The following SLC33A1 variants were observed in gnomAD, a reference collection of about 807,000 sequenced individuals.
The protein encoded by SLC33A1 is solute carrier family 33 member 1.
A neutral mutation model predicts 50.0 loss-of-function variants in SLC33A1; 20 were observed. The ratio of observed to expected loss-of-function variants is 0.40; its 90% CI spans 0.28 to 0.58. The LOEUF is 0.58. Ranked by LOEUF, SLC33A1 falls within the 20% of genes least tolerant of loss-of-function variation. The pLI is 0.44. For synonymous variants in SLC33A1, 265 were observed against 251.8 expected, an observed-to-expected ratio of 1.05 and a Z score of -0.50; for missense variants, 476 against 657.0, an observed-to-expected ratio of 0.72 and a Z score of 3.01.
Position 155,836,280 on chromosome 3 carries a change from C to CAAAAAAAAAA in SLC33A1, c.964-2249_964-2240dup, listed in dbSNP as rs57460942. Among the ~76,000 whole-genome samples, 10 of 27,166 alleles carry CAAAAAAAAAA rather than the reference C, an allele frequency of 3.7e-4. 2 individuals are homozygous for CAAAAAAAAAA. Among genetic ancestry groups the CAAAAAAAAAA allele is most frequent in the African/African-American group, 1.1e-3 (8 of 7,114 alleles). 17.8% of individuals were successfully genotyped at this position (27,166 alleles called of 152,430 possible). On this transcript the variant is annotated intron_variant, in intron 2 of 5. Coordinates refer to ENST00000643144, the MANE Select transcript of SLC33A1 (RefSeq NM_004733.4). ...GCCTGGTGACAGAGTGAGACTCTGT[C>CAAAAAAAAAA]AAAAAAAAAAAAAAAAAAAAAAAAA...
At chr3:155,830,683 C>T (rs1018121617) in intron 4 of SLC33A1, among the ~76,000 whole-genome samples, 3 of 151,684 alleles carry the variant, frequency 2.0e-5, no homozygotes, top group Non-Finnish European at 4.4e-5. Context: ...TTGTACTGTA[C>T]CTAAATATGT....
At chr3:155,844,594 T>C (rs1368286999) in intron 1 of SLC33A1, 1 of 149,982 alleles carries the variant, frequency 6.7e-6, no homozygotes, top group Admixed American at 6.7e-5. Context: ...GCCTCTGTAG[T>C]AGCTGAGATT....
rs1577451597 is a variant in SLC33A1 at position 155,824,950 on chromosome 3, C to A, written c.*3260G>T. 1 of 152,064 alleles carries A rather than the reference C, an allele frequency of 6.6e-6. No individual in the cohort carries two copies. The highest frequency in any genetic ancestry group is 1.9e-4 in the East Asian group (1 of 5,196). The allele number at this position is 152,064 out of a possible 1,614,324, so 9.4% of individuals were successfully genotyped here. A position where few individuals can be genotyped will look rare whatever the true frequency, so the allele number is the denominator to read the frequency against. ...TATCAGGCAAAATTAAAATATTTAT[C>A]ATGGGCAGGGCACGGTGGCTTACAC... On this transcript the variant is annotated 3_prime_UTR_variant, in exon 6 of 6. Transcript: ENST00000643144.
chr3:155,830,108 A>G (rs994553599), intron 4 of SLC33A1, among the ~76,000 whole-genome samples: 5 of 152,100 alleles, frequency 3.3e-5, no homozygotes, highest in Non-Finnish European at 7.3e-5. Context: ...TCATGCCTGT[A>G]ATTCCAGCAC....
In SLC33A1 at chr3:155,824,425, C is replaced by T. The variant is rs1341193082; in HGVS notation, c.*3785G>A. The T allele has an allele frequency of 6.6e-6, 1 of 151,998 alleles. No homozygotes were observed. The highest frequency in any genetic ancestry group is 6.6e-5 in the Admixed American group (1 of 15,238). 9.4% of individuals were successfully genotyped at this position (151,998 alleles called of 1,614,324 possible). On this transcript the variant is annotated 3_prime_UTR_variant, in exon 6 of 6. Coordinates refer to ENST00000643144, the MANE Select transcript of SLC33A1 (RefSeq NM_004733.4). ...CTTTCTCAGGTTTCTGTTAATAAGG[C>T]AAAATAAAAGTCACTCAGAAAAAAA...
chr3:155,829,752 G>T lies in SLC33A1; in HGVS notation c.1418C>A (p.Pro473His), dbSNP rs1180801581. 1.2e-6 allele frequency: 2 copies of T among 1,613,976 alleles called. No individual in the cohort carries two copies. Among genetic ancestry groups the T allele is most frequent in the Admixed American group, 3.3e-5 (2 of 59,996 alleles). The change falls in exon 5 of 6, where the codon CCC (proline) becomes CAC (histidine). Residue 473 changes from proline to histidine, a missense_variant. Coordinates refer to ENST00000643144, the MANE Select transcript of SLC33A1 (RefSeq NM_004733.4). ...PSTVALWLVD[P>H]LTVKECVGAS... ...TCCTACACACTCTTTTACTGTGAGG[G>T]GATCTACAAGCCAAAGAGCTACTGT...
chr3:155,836,938 G>A (rs1024265254), intron 2 of SLC33A1, among the ~76,000 whole-genome samples: 2 of 151,960 alleles, frequency 1.3e-5, no homozygotes, highest in African/African-American at 4.8e-5. Context: ...TAAAGAAAAG[G>A]GCAACTTTGG....
chr3:155,833,674 A>T, intron 3 of SLC33A1, 89 bp from the exon 4 acceptor site: 1 of 968,082 alleles, frequency 1.0e-6, no homozygotes, highest in South Asian at 1.3e-5. Context: ...TACCATATGA[A>T]AGAAGCTGTA....
At position 155,849,600 on chromosome 3, in the gene SLC33A1, AG is replaced by A. The variant is rs753552700; in HGVS notation, c.775+3622del. ...CAAATTCCACAGGAAAAAAAAAAAA[AG>A]GGGCAATTCAAAATAACAAGTGACA... On this transcript the variant is annotated intron_variant, in intron 1 of 5. Coordinates refer to ENST00000643144, the MANE Select transcript of SLC33A1 (RefSeq NM_004733.4). Among the ~76,000 whole-genome samples, 213 of 150,074 alleles carry A rather than the reference AG, an allele frequency of 1.4e-3. 1 individual carries two copies. The highest frequency in any genetic ancestry group is 5.1e-3 in the African/African-American group (204 of 40,312).
chr3:155,846,788 C>T (rs1753193450), intron 1 of SLC33A1, among the ~76,000 whole-genome samples: 1 of 152,106 alleles, frequency 6.6e-6, no homozygotes, highest in Non-Finnish European at 1.5e-5. Context: ...TGTATTCCCC[C>T]TTCTCACCTC....
Position 155,821,484 on chromosome 3 carries a change from TGA to T in SLC33A1, c.*6724_*6725del, listed in dbSNP as rs1752087654. 6.6e-6 allele frequency: 1 copy of T among 152,232 alleles called. No individual in the cohort carries two copies. The highest frequency in any genetic ancestry group is 1.5e-5 in the Non-Finnish European group (1 of 68,076). 9.4% of individuals were successfully genotyped at this position (152,232 alleles called of 1,614,324 possible). ...AAATATGCCACTTCCTTTTTTTTTT[TGA>T]GACAGAGTTTCGCTCTTGCACCCAG... On this transcript the variant is annotated 3_prime_UTR_variant, in exon 6 of 6. Coordinates refer to ENST00000643144, the MANE Select transcript of SLC33A1 (RefSeq NM_004733.4).
chr3:155,837,135 T>C (rs1304264358), intron 2 of SLC33A1, among the ~76,000 whole-genome samples: 1 of 151,804 alleles, frequency 6.6e-6, no homozygotes, highest in Non-Finnish European at 1.5e-5. Flanking sequence ...CCAAGGTGGG[T>C]GGATCACAAG....
In SLC33A1 at chr3:155,853,999, T is replaced by C. The variant is rs1260574005; in HGVS notation, c.-2A>G. ...CTTGTGGGAGATGGTGGGTGACATA[T>C]CAGAGACGATGCAGAGCCCCGTCTG... On this transcript the variant is annotated 5_prime_UTR_variant, in exon 1 of 6. Transcript: ENST00000643144. 2.6e-6 allele frequency: 4 copies of C among 1,541,124 alleles called. No individual in the cohort carries two copies. The highest frequency in any genetic ancestry group is 3.5e-6 in the Non-Finnish European group (4 of 1,149,806).
chr3:155,829,670 A>C lies in SLC33A1; in HGVS notation c.1482+18T>G. On this transcript the variant is annotated intron_variant, in intron 5 of 5. Coordinates refer to ENST00000643144, the MANE Select transcript of SLC33A1 (RefSeq NM_004733.4). ...CTTAGTATTAGCTTAATGTTATCTA[A>C]AATTAAAACATACTTACCTCAACAG... 1 of 1,565,166 alleles carries C rather than the reference A, an allele frequency of 6.4e-7. No individual in the cohort carries two copies. The highest frequency in any genetic ancestry group is 8.8e-7 in the Non-Finnish European group (1 of 1,135,232).
In SLC33A1 at chr3:155,836,743, T is replaced by G; in HGVS notation, c.964-2702A>C. On this transcript the variant is annotated intron_variant, in intron 2 of 5. Transcript: ENST00000643144. ...AAGAACTCTTTTCTACAAAATATTT[T>G]TTTTAATTTACTGGGCGTGGTGGTG... Among the ~76,000 whole-genome samples the G allele has an allele frequency of 2.0e-5, 3 of 152,234 alleles. No individual in the cohort carries two copies. In the South Asian group the frequency reaches 6.2e-4, roughly 32 times the overall value.
Position 155,854,389 on chromosome 3 carries a change from G to A in SLC33A1, c.-392C>T, listed in dbSNP as rs1753543428. 1 of 184,012 alleles carries A rather than the reference G, an allele frequency of 5.4e-6. No homozygotes were observed. Among genetic ancestry groups the A allele is most frequent in the Non-Finnish European group, 1.1e-5 (1 of 88,564 alleles). The allele number at this position is 184,012 out of a possible 1,614,324, so 11.4% of individuals were successfully genotyped here. ...TCCAGCTCTCGCTGCTATCAATGCG[G>A]CAGAGAGCACTTTCTCTACAGGACT... On this transcript the variant is annotated 5_prime_UTR_variant, in exon 1 of 6. Coordinates refer to ENST00000643144, the MANE Select transcript of SLC33A1 (RefSeq NM_004733.4).
rs1480604263 is a variant in SLC33A1, at chr3:155,825,145, T to A, written c.*3065A>T. 1 of 152,070 alleles carries A rather than the reference T, an allele frequency of 6.6e-6. No individual in the cohort carries two copies. Among genetic ancestry groups the A allele is most frequent in the East Asian group, 1.9e-4 (1 of 5,168 alleles). 9.4% of individuals were successfully genotyped at this position (152,070 alleles called of 1,614,324 possible). A position where few individuals can be genotyped will look rare whatever the true frequency, so the allele number is the denominator to read the frequency against. On this transcript the variant is annotated 3_prime_UTR_variant, in exon 6 of 6. Coordinates refer to ENST00000643144, the MANE Select transcript of SLC33A1 (RefSeq NM_004733.4). ...GTCCTAGCTACCAGAGAGGCTGAGG[T>A]GGAAAGATCCTTTTTTGTTGTTGAG...
chr3:155,839,373 C>CAAAAA (rs1198585213), intron 2 of SLC33A1, among the ~76,000 whole-genome samples: 461 of 18,300 alleles, frequency 0.025, 152 homozygotes, highest in African/African-American at 0.085. Context: ...GACTCTGTCT[C>CAAAAA]AAAAAAAAAA....
intron 1 of SLC33A1, among the ~76,000 whole-genome samples, chr3:155,852,459 C>T (rs893242157): frequency 6.6e-6 from 1 of 152,242 alleles, no homozygotes; most frequent in Non-Finnish European, 1.5e-5. Flanking sequence ...GAAAATCTTA[C>T]TAATTTAGTC....
Sources: gnomAD v4.1 joint callset for allele counts (sites outside exome capture counted in the v4.1 genomes callset) on GRCh38, gnomAD v4.1.1 for gene constraint, MANE v1.5 for transcripts, NCBI Gene and HGNC (gene_info 2026-07-23, HGNC 2026-07-21) for gene names.